TRIM66: variants seen among roughly 807,000 people sequenced by gnomAD.
The protein encoded by TRIM66 is tripartite motif-containing protein 66.
In TRIM66, 99 loss-of-function variants were observed where a neutral mutation model predicts 148.2. The ratio of observed to expected loss-of-function variants is 0.67; its 90% CI spans 0.57 to 0.79. The LOEUF (loss-of-function observed/expected upper bound fraction) is 0.79, where lower values mean the gene tolerates loss of function less well. TRIM66 is among the 30% of genes least tolerant of loss of function. The pLI is 0.00. For missense variants in TRIM66, 1,666 were observed against 1,697.9 expected (o/e 0.98, Z 0.33); for synonymous variants, 616 against 635.9 (o/e 0.97, Z 0.47).
At position 8,620,889 on chromosome 11, in the gene TRIM66, T is replaced by C. The variant is rs1274802001; in HGVS notation, c.3545+143A>G. 8 of 1,158,488 alleles carry C rather than the reference T, an allele frequency of 6.9e-6. No homozygotes were observed. The South Asian group carries it at 8.2e-5, about 12-fold the overall frequency. The allele number at this position is 1,158,488 out of a possible 1,614,324, so 71.8% of individuals were successfully genotyped here. A position where few individuals can be genotyped will look rare whatever the true frequency, so the allele number is the denominator to read the frequency against. ...TGTGTGCAGAAGATACCCAGGCCCA[T>C]TAACTCACAGACCTGCAATTCAAGC... On this transcript the variant is annotated intron_variant, in intron 20 of 24. Coordinates refer to ENST00000646038, the MANE Select transcript of TRIM66 (RefSeq NM_001388022.1).
intron 18 of TRIM66, among the ~76,000 whole-genome samples, chr11:8,622,365 C>CACACATATATATATATATATATAT: frequency 2.7e-3 from 162 of 59,532 alleles, no homozygotes; most frequent in Non-Finnish European, 5.3e-3. Context: ...CACACACACA[C>CACACATATATATATATATATATAT]ATATATATAT....
intron 6 of TRIM66, among the ~76,000 whole-genome samples, chr11:8,669,939 C>T (rs2038831962): frequency 6.6e-6 from 1 of 151,782 alleles, no homozygotes; most frequent in South Asian, 2.1e-4. Context: ...GTTTGGTGTA[C>T]AGATTATTTC....
intron 24 of TRIM66, among the ~76,000 whole-genome samples, 190 bp downstream of exon 24, chr11:8,618,560 G>A (rs763984444): frequency 2.0e-5 from 3 of 152,158 alleles, no homozygotes; most frequent in Admixed American, 6.6e-5. Context: ...TTCAAGTCTC[G>A]TGAGTAACTG....
intron 7 of TRIM66, among the ~76,000 whole-genome samples, chr11:8,650,168 T>A (rs1286497573): frequency 1.3e-5 from 2 of 151,398 alleles, no homozygotes; most frequent in African/African-American, 4.9e-5. Context: ...AGCCCAGGAG[T>A]TTCAGACTAG....
chr11:8,663,676 C>G (rs183477163), intron 6 of TRIM66, among the ~76,000 whole-genome samples: 4 of 152,164 alleles, frequency 2.6e-5, no homozygotes, highest in Admixed American at 2.6e-4. Context: ...CAGAGACATA[C>G]CTGCACTCCC....
At chr11:8,621,496 G>T in intron 19 of TRIM66, 149 bp downstream of exon 19, 1 of 1,275,178 alleles carries the variant, frequency 7.8e-7, no homozygotes, top group Non-Finnish European at 1.1e-6. Context: ...GCATCTCACA[G>T]GACCTTGCAG....
chr11:8,624,323 G>A (rs776194420), intron 17 of TRIM66, 36 bp downstream of exon 17: 1 of 1,544,080 alleles, frequency 6.5e-7, no homozygotes, highest in Non-Finnish European at 8.7e-7. Flanking sequence ...GCTCAAGTCT[G>A]TGGCCAACAT....
intron 6 of TRIM66, among the ~76,000 whole-genome samples, chr11:8,653,206 A>G (rs750012409): frequency 6.6e-6 from 1 of 152,210 alleles, no homozygotes; most frequent in Non-Finnish European, 1.5e-5. Context: ...TTGCAATCCT[A>G]CCATCAAAAG....
At chr11:8,671,754 G>A in intron 6 of TRIM66, 32 bp downstream of exon 6, 1 of 932,222 alleles carries the variant, frequency 1.1e-6, no homozygotes, top group Non-Finnish European at 1.7e-6. Flanking sequence ...GTTATGTAGT[G>A]GGAGGTGAAC....
At chr11:8,681,164 C>T (rs2039400480) in intron 1 of TRIM66, among the ~76,000 whole-genome samples, 2 of 148,228 alleles carry the variant, frequency 1.3e-5, no homozygotes, top group South Asian at 2.1e-4. Context: ...GACGGAGTCT[C>T]GTTCTGTCGC....
In TRIM66 at chr11:8,679,830, G is replaced by C. The variant is rs2039332767; in HGVS notation, c.-384-16C>G. 1 of 152,580 alleles carries C rather than the reference G, an allele frequency of 6.6e-6. No individual in the cohort carries two copies. Among genetic ancestry groups the C allele is most frequent in the Non-Finnish European group, 1.5e-5 (1 of 68,136 alleles). The allele number at this position is 152,580 out of a possible 1,614,324, so 9.5% of individuals were successfully genotyped here. ...GACCATAATGCTGTAAGGTCAGAGA[G>C]GGACTGGTCACTGAGGTAAAAGCAG... On this transcript the variant is annotated splice_polypyrimidine_tract_variant and intron_variant, in intron 2 of 24. Transcript: ENST00000646038.
chr11:8,681,087 T>C (rs908101761), intron 1 of TRIM66, among the ~76,000 whole-genome samples: 1 of 151,998 alleles, frequency 6.6e-6, no homozygotes, highest in Non-Finnish European at 1.5e-5. Flanking sequence ...TAGACTACTC[T>C]TTTGGGGAGC....
Position 8,617,585 on chromosome 11 carries a change from C to A in TRIM66, c.*359G>T. 3.9e-6 allele frequency: 1 copy of A among 259,024 alleles called. No individual in the cohort carries two copies. Among genetic ancestry groups the A allele is most frequent in the South Asian group, 8.6e-5 (1 of 11,666 alleles). 16.0% of individuals were successfully genotyped at this position (259,024 alleles called of 1,614,324 possible). A position where few individuals can be genotyped will look rare whatever the true frequency, so the allele number is the denominator to read the frequency against. The stretch of plus-strand genomic sequence containing the variant: ...TCAGATGTATACATGGCTCCTGAGC[C>A]CTGGACACTAAAAGGTTAGACGGGT... On this transcript the variant is annotated 3_prime_UTR_variant, in exon 25 of 25. Coordinates refer to ENST00000646038, the MANE Select transcript of TRIM66 (RefSeq NM_001388022.1).
In TRIM66 at chr11:8,652,726, G is replaced by C. The variant is rs576318419; in HGVS notation, c.341-823C>G. Among the ~76,000 whole-genome samples the C allele has an allele frequency of 6.6e-5, 10 of 152,324 alleles. No homozygotes were observed. The South Asian group carries it at 2.1e-3, about 32-fold the overall frequency. On this transcript the variant is annotated intron_variant, in intron 6 of 24. Coordinates refer to ENST00000646038, the MANE Select transcript of TRIM66 (RefSeq NM_001388022.1). ...AACAAGAAAATGAGCCTCTGGAGTA[G>C]GGCAAGGTACCTGTGTCCAGGGATG...
intron 12 of TRIM66, chr11:8,644,189 T>C (rs1054808697): frequency 6.8e-6 from 2 of 292,192 alleles, no homozygotes; most frequent in Non-Finnish European, 1.3e-5. Flanking sequence ...TTTACAGTCA[T>C]GATATCACTA....
intron 9 of TRIM66, 137 bp from the exon 10 acceptor site, chr11:8,648,223 C>T (rs2037041254): frequency 6.1e-6 from 7 of 1,153,086 alleles, no homozygotes; most frequent in Non-Finnish European, 7.4e-6. Context: ...AAGTCTAAGG[C>T]ACCACAGGCT....
chr11:8,655,175 C>T (rs982181238), intron 6 of TRIM66, among the ~76,000 whole-genome samples: 6 of 152,010 alleles, frequency 3.9e-5, no homozygotes, highest in Admixed American at 1.3e-4. Context: ...CTGCATTTTT[C>T]GGGAGTTTGT....
intron 11 of TRIM66, 100 bp from the exon 12 acceptor site, chr11:8,645,987 G>T: frequency 1.7e-6 from 2 of 1,191,524 alleles, no homozygotes; most frequent in Non-Finnish European, 2.4e-6. Context: ...GATGGAATCA[G>T]ATGAGACTAC....
intron 6 of TRIM66, 139 bp downstream of exon 6, chr11:8,671,647 C>T (rs2038939178): frequency 1.6e-6 from 1 of 606,670 alleles, no homozygotes; most frequent in Non-Finnish European, 3.0e-6. Flanking sequence ...CACAGATTCC[C>T]CCAAAGATTG....
Sources: allele counts gnomAD v4.1 joint callset (sites outside exome capture counted in the v4.1 genomes callset), GRCh38; gene constraint gnomAD v4.1.1; transcripts MANE v1.5; gene names NCBI Gene and HGNC (gene_info 2026-07-23, HGNC 2026-07-21).